The following MPPED2 variants were observed in gnomAD, a reference collection of about 807,000 sequenced individuals.
MPPED2 encodes the protein metallophosphoesterase MPPED2.
MPPED2 carries 5 observed loss-of-function variants against 33.0 expected under a neutral mutation model. The observed-to-expected ratio is 0.15, with a 90% CI of 0.08 to 0.32. The LOEUF is 0.32. Ranked by LOEUF, MPPED2 falls within the 10% of genes least tolerant of loss-of-function variation. MPPED2 has a pLI of 1.00. For synonymous variants in MPPED2, 136 were observed against 141.9 expected, an observed-to-expected ratio of 0.96 and a Z score of 0.29; for missense variants, 275 against 372.1, an observed-to-expected ratio of 0.74 and a Z score of 2.15.
chr11:30,476,049 T>TGAA (rs1379017573), intron 4 of MPPED2, among the ~76,000 whole-genome samples: 1 of 152,110 alleles, frequency 6.6e-6, no homozygotes, highest in Non-Finnish European at 1.5e-5. Context: ...TATCCCTTTA[T>TGAA]GAAGAGTCAA....
chr11:30,453,264 C>T (rs1009258061), intron 4 of MPPED2, among the ~76,000 whole-genome samples: 3 of 152,166 alleles, frequency 2.0e-5, no homozygotes, highest in Non-Finnish European at 4.4e-5. Flanking sequence ...AGACTCCACA[C>T]CTCTAAAGCG....
At chr11:30,469,622 A>G (rs952865911) in intron 4 of MPPED2, among the ~76,000 whole-genome samples, 2 of 152,228 alleles carry the variant, frequency 1.3e-5, no homozygotes, top group African/African-American at 4.8e-5. Flanking sequence ...AGTTAAAGGT[A>G]CTCAAGGAGC....
At chr11:30,447,197 C>T (rs1379393176) in intron 4 of MPPED2, among the ~76,000 whole-genome samples, 1 of 152,198 alleles carries the variant, frequency 6.6e-6, no homozygotes, top group Non-Finnish European at 1.5e-5. Flanking sequence ...ACAGATTCCA[C>T]TGGACCAAAA....
intron 5 of MPPED2, among the ~76,000 whole-genome samples, chr11:30,416,723 A>G (rs1948378259): frequency 1.3e-5 from 2 of 152,174 alleles, no homozygotes; most frequent in East Asian, 1.9e-4. Context: ...AAACATCTGA[A>G]TTTCTTGAGC....
chr11:30,516,565 A>C (rs1953544454), intron 3 of MPPED2, among the ~76,000 whole-genome samples: 1 of 152,100 alleles, frequency 6.6e-6, no homozygotes, highest in South Asian at 2.1e-4. Flanking sequence ...GCAATAAAGA[A>C]AATAAAGACA....
intron 3 of MPPED2, among the ~76,000 whole-genome samples, chr11:30,523,098 C>T (rs1565151098): frequency 1.3e-5 from 2 of 152,056 alleles, no homozygotes; most frequent in Non-Finnish European, 2.9e-5. Flanking sequence ...CAGAGTAGAG[C>T]CCTGAAGACT....
chr11:30,478,713 G>A (rs1272264802), intron 4 of MPPED2, among the ~76,000 whole-genome samples: 1 of 152,160 alleles, frequency 6.6e-6, no homozygotes, highest in Non-Finnish European at 1.5e-5. Flanking sequence ...CAGGGTCTAT[G>A]AAATGGCTAA....
At chr11:30,557,817 A>G (rs1031415341) in intron 2 of MPPED2, among the ~76,000 whole-genome samples, 1 of 152,206 alleles carries the variant, frequency 6.6e-6, no homozygotes, top group Non-Finnish European at 1.5e-5. Context: ...CATGGCAATG[A>G]CCATGAGGGA....
intron 3 of MPPED2, among the ~76,000 whole-genome samples, chr11:30,498,117 T>A (rs1475274149): frequency 6.6e-6 from 1 of 151,996 alleles, no homozygotes. Flanking sequence ...GCAGTCAAGC[T>A]TCAAACTTCT....
chr11:30,553,816 A>G (rs1282519076), intron 2 of MPPED2, among the ~76,000 whole-genome samples: 1 of 152,212 alleles, frequency 6.6e-6, no homozygotes, highest in African/African-American at 2.4e-5. Context: ...CATCTCTGGC[A>G]CAGAGAGTGT....
chr11:30,502,377 C>A (rs1271492803), intron 3 of MPPED2, among the ~76,000 whole-genome samples: 1 of 152,170 alleles, frequency 6.6e-6, no homozygotes, highest in African/African-American at 2.4e-5. Flanking sequence ...ACAGAACTCT[C>A]CATTCTAGAT....
Position 30,509,794 on chromosome 11 carries a change from T to C in MPPED2, c.311-14273A>G, listed in dbSNP as rs539836333. Among the ~76,000 whole-genome samples, 6 of 152,320 alleles carry C rather than the reference T, an allele frequency of 3.9e-5. No individual in the cohort carries two copies. In the South Asian group the frequency reaches 1.2e-3, roughly 32 times the overall value. On this transcript the variant is annotated intron_variant, in intron 3 of 6. Transcript: ENST00000358117. ...CTAGCAGAGTCCTCAGAGATTTGAATCATTCCTTCCATGGAATGGGAAACT... is the reference window on the plus strand; with the variant it reads ...CTAGCAGAGTCCTCAGAGATTTGAACCATTCCTTCCATGGAATGGGAAACT...
chr11:30,390,958 C>T (rs1040624391), intron 6 of MPPED2, among the ~76,000 whole-genome samples: 10 of 152,140 alleles, frequency 6.6e-5, no homozygotes, highest in Non-Finnish European at 1.2e-4. Context: ...AAGCAAGTCA[C>T]ACCACCAGCC....
At chr11:30,495,177 A>T in intron 4 of MPPED2, 119 bp downstream of exon 4, 1 of 709,994 alleles carries the variant, frequency 1.4e-6, no homozygotes, top group Non-Finnish European at 2.4e-6. Flanking sequence ...TGTTGGAAAT[A>T]CAGCAATAAG....
chr11:30,411,396 A>G lies in MPPED2; in HGVS notation c.*72T>C. On this transcript the variant is annotated 3_prime_UTR_variant, in exon 7 of 7. Coordinates refer to ENST00000358117, the MANE Select transcript of MPPED2 (RefSeq NM_001584.3). Reference sequence around the variant, plus strand: ...CACAGGGTTTGTAAATAAGTAAGAGAATGTAAGTTTATAATTAGAAAAATG... The same window carrying G: ...CACAGGGTTTGTAAATAAGTAAGAGGATGTAAGTTTATAATTAGAAAAATG... The G allele has an allele frequency of 1.3e-6, 2 of 1,508,524 alleles. No homozygotes were observed. Among genetic ancestry groups the G allele is most frequent in the Non-Finnish European group, 1.8e-6 (2 of 1,120,564 alleles). The allele number at this position is 1,508,524 out of a possible 1,614,324, so 93.4% of individuals were successfully genotyped here. A position where few individuals can be genotyped will look rare whatever the true frequency, so the allele number is the denominator to read the frequency against.
chr11:30,492,778 T>A (rs1437842128), intron 4 of MPPED2, among the ~76,000 whole-genome samples: 1 of 152,160 alleles, frequency 6.6e-6, no homozygotes, highest in African/African-American at 2.4e-5. Context: ...TCCCAACCCC[T>A]GCCACCCCTC....
At chr11:30,460,724 T>C (rs1212623200) in intron 4 of MPPED2, among the ~76,000 whole-genome samples, 3 of 151,744 alleles carry the variant, frequency 2.0e-5, no homozygotes, top group East Asian at 1.9e-4. Context: ...TTGTTGAGAG[T>C]AGGGTGTGAT....
intron 2 of MPPED2, among the ~76,000 whole-genome samples, chr11:30,544,046 T>C (rs1955278297): frequency 6.6e-6 from 1 of 152,180 alleles, no homozygotes; most frequent in South Asian, 2.1e-4. Flanking sequence ...TTTTTTCCTC[T>C]TACAAAAGTA....
intron 6 of MPPED2, among the ~76,000 whole-genome samples, chr11:30,403,924 A>T (rs982701166): frequency 6.6e-6 from 1 of 152,218 alleles, no homozygotes; most frequent in Admixed American, 6.5e-5. Flanking sequence ...GCACTCAGAT[A>T]TGTAGTACCC....
Sources: gnomAD v4.1 joint callset for allele counts (sites outside exome capture counted in the v4.1 genomes callset) on GRCh38, gnomAD v4.1.1 for gene constraint, MANE v1.5 for transcripts, NCBI Gene and HGNC (gene_info 2026-07-23, HGNC 2026-07-21) for gene names.